MYO15A: variants seen among roughly 807,000 people sequenced by gnomAD.
The protein encoded by MYO15A is myosin XVA, also known as unconventional myosin-XV.
In MYO15A, 308 loss-of-function variants were observed where a neutral mutation model predicts 394.6. The ratio of observed to expected loss-of-function variants is 0.78; its 90% CI spans 0.71 to 0.86. The LOEUF (loss-of-function observed/expected upper bound fraction) is 0.86, where lower values mean the gene tolerates loss of function less well. MYO15A is among the 40% of genes least tolerant of loss of function. The pLI is 0.00. For synonymous variants in MYO15A, 1,957 were observed against 2,003.8 expected, an observed-to-expected ratio of 0.98 and a Z score of 0.62; for missense variants, 4,606 against 4,799.1, an observed-to-expected ratio of 0.96 and a Z score of 1.19.
Position 18,121,209 on chromosome 17 carries a change from G to T in MYO15A, c.2409G>T (p.Thr803=). Residue 803 remains threonine (T), a synonymous_variant, in exon 2 of 66, where the codon ACG becomes ACT. Coordinates refer to ENST00000647165, the MANE Select transcript of MYO15A (RefSeq NM_016239.4). The surrounding 1 kb of genome is among the most constrained non-coding windows in gnomAD (Gnocchi z 5.3). The stretch of plus-strand genomic sequence containing the variant: ...CGTCGCCTCAGCTGTCCTTGCGCAC[G>T]GGCCCCTTCCAGCCGCCCTTCCTGC... The part of the protein sequence containing the change: ...APPSPQLSLR[T]GPFQPPFLPP... 7 of 1,500,264 alleles carry T rather than the reference G, an allele frequency of 4.7e-6. No homozygotes were observed. Among genetic ancestry groups the T allele is most frequent in the Non-Finnish European group, 6.2e-6 (7 of 1,131,120 alleles). The allele number at this position is 1,500,264 out of a possible 1,614,324, so 92.9% of individuals were successfully genotyped here.
rs1184596471 is a variant in MYO15A, at chr17:18,163,290, T to TTGAACGCCA, written c.9661_9669dup (p.Glu3221_His3223dup). On this transcript the variant is annotated inframe_insertion, in exon 59 of 66. Transcript: ENST00000647165. ...CAACTCTTTCTTCTTCCTGGAGGCC[T>TTGAACGCCA]TGAACGCCATCTCAAAATCAAAACA... 6.2e-7 allele frequency: 1 copy of TTGAACGCCA among 1,614,198 alleles called. No individual in the cohort carries two copies. The highest frequency in any genetic ancestry group is 8.5e-7 in the Non-Finnish European group (1 of 1,180,010).
intron 62 of MYO15A, among the ~76,000 whole-genome samples, chr17:18,170,717 G>T (rs1336770599): frequency 1.3e-5 from 2 of 152,082 alleles, no homozygotes; most frequent in Non-Finnish European, 2.9e-5. Flanking sequence ...AGAGCAGGAA[G>T]CACATAAAGA....
intron 65 of MYO15A, among the ~76,000 whole-genome samples, chr17:18,174,917 T>A (rs116589070): frequency 0.017 from 2,583 of 152,028 alleles, 66 homozygotes; most frequent in African/African-American, 0.059. Flanking sequence ...CCAGACAAAG[T>A]CTCCTTGGCC....
In MYO15A at chr17:18,151,478, G is replaced by C; in HGVS notation, c.7738G>C (p.Val2580Leu). 1 of 1,614,190 alleles carries C rather than the reference G, an allele frequency of 6.2e-7. No homozygotes were observed. The highest frequency in any genetic ancestry group is 1.3e-5 in the African/African-American group (1 of 75,034). Residue 2580 changes from valine to leucine, a missense_variant, in exon 40 of 66, where the codon GTC becomes CTC. Physicochemically the swap from Val to Leu is conservative, Grantham distance 32 (BLOSUM62 1). Coordinates refer to ENST00000647165, the MANE Select transcript of MYO15A (RefSeq NM_016239.4). ...PQPTQQIKNI[V>L]RQYQQPFRGG... ...GCCCACACAGCAGATCAAGAATATTGTCAGGCAGTACCAGCAGCCGTTCCG... is the reference window on the plus strand; with the variant it reads ...GCCCACACAGCAGATCAAGAATATTCTCAGGCAGTACCAGCAGCCGTTCCG...
In MYO15A at chr17:18,153,816, C is replaced by CA; in HGVS notation, c.8009dup (p.Thr2671AspfsTer41). On this transcript the variant is annotated frameshift_variant, in exon 43 of 66. Transcript: ENST00000647165. LOFTEE classifies it high-confidence loss of function. This position sits in a 1 kb window ranked among gnomAD's most constrained non-coding sequence, Gnocchi z 4.1. Reference sequence around the variant, plus strand: ...GCTGGAGCCCCCTGAGGAACTCACGCAGACGCGGCTGCACCGCCTCATCAA... The same window carrying CA: ...GCTGGAGCCCCCTGAGGAACTCACGCAAGACGCGGCTGCACCGCCTCATCAA... 6.2e-7 allele frequency: 1 copy of CA among 1,613,732 alleles called. No homozygotes were observed.
At chr17:18,178,327 GCCAT>G (rs2047043406) in intron 65 of MYO15A, 1 of 286,072 alleles carries the variant, frequency 3.5e-6, no homozygotes, top group African/African-American at 2.2e-5. Context: ...CCGAGATCGC[GCCAT>G]TGCACTCCAG....
At position 18,126,583 on chromosome 17, in the gene MYO15A, A is replaced by C. The variant is rs2046046771; in HGVS notation, c.3866+127A>C. On this transcript the variant is annotated intron_variant, in intron 5 of 65. Transcript: ENST00000647165. ...ATGGGGAAAGGCAGCCCACCTACTC[A>C]ATCTGACAGTCTCTCCCCAGGCAGG... is the stretch of plus-strand genomic sequence containing the variant. 5.6e-6 allele frequency: 6 copies of C among 1,076,446 alleles called. No homozygotes were observed. The East Asian group carries it at 1.5e-4, about 27-fold the overall frequency. The allele number at this position is 1,076,446 out of a possible 1,614,324, so 66.7% of individuals were successfully genotyped here.
At chr17:18,136,370 G>T (rs747888300) in intron 13 of MYO15A, 47 bp from the exon 14 acceptor site, 1 of 1,610,992 alleles carries the variant, frequency 6.2e-7, no homozygotes, top group Non-Finnish European at 8.5e-7. Context: ...CTTTCCGGAG[G>T]CAGAGTGGCC....
At chr17:18,145,851 G>T in intron 29 of MYO15A, 21 bp from the exon 30 acceptor site, 1 of 1,611,604 alleles carries the variant, frequency 6.2e-7, no homozygotes, top group South Asian at 1.1e-5. Flanking sequence ...AGATGCCCAG[G>T]AGACTCTGTT....
intron 1 of MYO15A, among the ~76,000 whole-genome samples, chr17:18,111,173 C>T (rs191555889): frequency 2.6e-4 from 39 of 152,156 alleles, no homozygotes; most frequent in Middle Eastern, 3.4e-3. Flanking sequence ...GACCCTGTCT[C>T]TACAAAAAAA....
rs2046610470 is a variant in MYO15A at position 18,153,055 on chromosome 17, G to A, written c.7967-720G>A. Reference sequence around the variant, plus strand: ...ATGGGCACTAAACTCCAGGGCAGGGGCATTGTTTACCTTATTTGCGGGGCC... The same window carrying A: ...ATGGGCACTAAACTCCAGGGCAGGGACATTGTTTACCTTATTTGCGGGGCC... On this transcript the variant is annotated intron_variant, in intron 42 of 65. Transcript: ENST00000647165. The surrounding 1 kb of genome is among the most constrained non-coding windows in gnomAD (Gnocchi z 4.1). 6.6e-6 allele frequency among the ~76,000 whole-genome samples: 1 copy of A among 152,208 alleles called. No individual in the cohort carries two copies. The highest frequency in any genetic ancestry group is 2.4e-5 in the African/African-American group (1 of 41,442).
Position 18,178,781 on chromosome 17 carries a change from T to C in MYO15A, c.10504T>C (p.Cys3502Arg). 1 of 1,614,004 alleles carries C rather than the reference T, an allele frequency of 6.2e-7. No individual in the cohort carries two copies. The highest frequency in any genetic ancestry group is 8.5e-7 in the Non-Finnish European group (1 of 1,180,010). ...CTGTCACCTGCAGGGACTGGAACTG[T>C]GTCGTGTGGTGGCCGTGCACGTGGA... Reference protein sequence around the residue: ...QLQLEQGLELCRVVAVHVENL... With the variant: ...QLQLEQGLELRRVVAVHVENL... The change falls in exon 66 of 66, where the codon TGT (cysteine) becomes CGT (arginine). Residue 3502 changes from cysteine (C) to arginine (R), a missense_variant. Coordinates refer to ENST00000647165, the MANE Select transcript of MYO15A (RefSeq NM_016239.4).
At chr17:18,159,728 C>T (rs746409558) in intron 55 of MYO15A, 49 bp downstream of exon 55, 24 of 1,593,384 alleles carry the variant, frequency 1.5e-5, no homozygotes, top group Non-Finnish European at 7.7e-6. Flanking sequence ...CTCTGTGGTT[C>T]AGTTTCCCCA....
At chr17:18,159,079 C>A in intron 53 of MYO15A, 82 bp downstream of exon 53, 1 of 1,488,272 alleles carries the variant, frequency 6.7e-7, no homozygotes, top group Non-Finnish European at 9.2e-7. Context: ...GGCCAACAAA[C>A]TTGTTCTCAG....
chr17:18,149,432 G>C, intron 34 of MYO15A, 54 bp from the exon 35 acceptor site: 1 of 1,613,824 alleles, frequency 6.2e-7, no homozygotes, highest in Non-Finnish European at 8.5e-7. Flanking sequence ...AGGCTGTGTG[G>C]GGTGGAAATC....
chr17:18,114,915 C>A (rs1257547218), intron 1 of MYO15A, among the ~76,000 whole-genome samples: 2 of 152,172 alleles, frequency 1.3e-5, no homozygotes, highest in African/African-American at 4.8e-5. Flanking sequence ...AGAGCTGTGG[C>A]TTCAATGCCA....
intron 6 of MYO15A, 39 bp downstream of exon 6, chr17:18,126,904 C>T: frequency 6.2e-7 from 1 of 1,611,154 alleles, no homozygotes; most frequent in Non-Finnish European, 8.5e-7. Flanking sequence ...AAATGGGGGA[C>T]CTTAGGTAGC....
At position 18,151,222 on chromosome 17, in the gene MYO15A, C is replaced by T; in HGVS notation, c.7586C>T (p.Ala2529Val). The T allele has an allele frequency of 5.0e-6, 8 of 1,614,124 alleles. No homozygotes were observed. Among genetic ancestry groups the T allele is most frequent in the Non-Finnish European group, 6.8e-6 (8 of 1,180,034 alleles). Reference sequence around the variant, plus strand: ...TTGGCCCCAGCCCCTCTGGCCAAGGCTCCAAGGCTCCCCATCAAGCCTGTG... The same window carrying T: ...TTGGCCCCAGCCCCTCTGGCCAAGGTTCCAAGGCTCCCCATCAAGCCTGTG... ...KPLAPAPLAKAPRLPIKPVAA... is the reference protein window; with the variant it reads ...KPLAPAPLAKVPRLPIKPVAA... The change falls in exon 39 of 66, where the codon GCT becomes GTT. Residue 2529 changes from alanine to valine, a missense_variant. Ala to Val is a moderately conservative substitution (Grantham distance 64). This residue lies in a region of MYO15A where 2,776 missense variants were observed against 3,109.3 expected (regional missense o/e 0.89). Transcript: ENST00000647165.
chr17:18,137,704 T>A, intron 16 of MYO15A, 25 bp downstream of exon 16: 3 of 1,609,394 alleles, frequency 1.9e-6, no homozygotes, highest in Middle Eastern at 1.7e-4. Flanking sequence ...TTAATACTCC[T>A]GTCCCTGTCT....
Sources: allele counts gnomAD v4.1 joint callset (sites outside exome capture counted in the v4.1 genomes callset), GRCh38; gene constraint gnomAD v4.1.1; regional missense constraint gnomAD v4.1.1; non-coding constraint Gnocchi (gnomAD v3.1); transcripts MANE v1.5; gene names NCBI Gene and HGNC (gene_info 2026-07-23, HGNC 2026-07-21).